SPECC1: variants seen among roughly 807,000 people sequenced by gnomAD.
SPECC1 encodes the protein sperm antigen with calponin homology and coiled-coil domains 1, also known as cytospin-B.
Under a neutral mutation model 104.1 loss-of-function variants are expected in SPECC1, and 62 were observed. The ratio of observed to expected loss-of-function variants is 0.60; its 90% CI spans 0.49 to 0.74. The LOEUF is 0.74. Ranked by LOEUF, SPECC1 falls within the 30% of genes least tolerant of loss-of-function variation. The pLI is 0.00. For synonymous variants in SPECC1, 513 were observed against 501.6 expected (o/e 1.02, Z -0.30); for missense variants, 1,306 against 1,310.5 (o/e 1.00, Z 0.05).
chr17:20,059,634 C>G (rs1335545231), intron 1 of SPECC1, among the ~76,000 whole-genome samples: 1 of 152,186 alleles, frequency 6.6e-6, no homozygotes, highest in East Asian at 1.9e-4. Flanking sequence ...AGACCCTTTT[C>G]CACATTGTAC....
chr17:20,016,592 C>T (rs958370764), intron 1 of SPECC1, among the ~76,000 whole-genome samples: 2 of 152,226 alleles, frequency 1.3e-5, no homozygotes, highest in Admixed American at 6.5e-5. Flanking sequence ...CGGCCCCAGG[C>T]AGTGAGGGGC....
At chr17:20,267,700 TC>T (rs1282793403) in intron 12 of SPECC1, among the ~76,000 whole-genome samples, 6 of 152,156 alleles carry the variant, frequency 3.9e-5, no homozygotes, top group African/African-American at 1.4e-4. Flanking sequence ...ACAGGGACTT[TC>T]TAGCACTAAA....
chr17:20,224,929 G>A lies in SPECC1; in HGVS notation c.1864-2484G>A, dbSNP rs192168720. Among the ~76,000 whole-genome samples the A allele has an allele frequency of 1.4e-3, 210 of 152,288 alleles. 1 individual carries two copies. The highest frequency in any genetic ancestry group is 2.8e-4 in the Non-Finnish European group (19 of 68,016). On this transcript the variant is annotated intron_variant, in intron 4 of 14. Transcript: ENST00000395527. ...GGGTCACACCTGAAGCCGGTACAGTGTGTGGCCCATGATGAGTACTGTGTG... is the reference window on the plus strand; with the variant it reads ...GGGTCACACCTGAAGCCGGTACAGTATGTGGCCCATGATGAGTACTGTGTG...
chr17:20,273,721 G>C (rs903824981), intron 12 of SPECC1, among the ~76,000 whole-genome samples: 5 of 152,168 alleles, frequency 3.3e-5, no homozygotes, highest in African/African-American at 1.2e-4. Context: ...GTGTCTTTGA[G>C]GGATTTTGCA....
intron 12 of SPECC1, among the ~76,000 whole-genome samples, chr17:20,283,898 T>C (rs556940707): frequency 2.7e-4 from 41 of 152,306 alleles, no homozygotes; most frequent in African/African-American, 9.9e-4. Context: ...CTCTTTCTTA[T>C]TGATTACAGG....
At chr17:20,072,037 C>A (rs939954996) in intron 1 of SPECC1, among the ~76,000 whole-genome samples, 2 of 152,218 alleles carry the variant, frequency 1.3e-5, no homozygotes, top group African/African-American at 4.8e-5. Context: ...CCAGGTCCCT[C>A]TCCACGGCCA....
chr17:20,150,879 C>T (rs2031946165), intron 3 of SPECC1, among the ~76,000 whole-genome samples: 1 of 151,834 alleles, frequency 6.6e-6, no homozygotes, highest in African/African-American at 2.4e-5. Flanking sequence ...ATATACATGT[C>T]AAAATTTATT....
intron 3 of SPECC1, among the ~76,000 whole-genome samples, chr17:20,161,941 C>T (rs1218988271): frequency 6.6e-6 from 1 of 151,692 alleles, no homozygotes; most frequent in South Asian, 2.1e-4. Context: ...ACTACAGGTG[C>T]GTGCCACCAT....
At chr17:20,191,726 C>T (rs1026477960) in intron 3 of SPECC1, among the ~76,000 whole-genome samples, 1 of 151,728 alleles carries the variant, frequency 6.6e-6, no homozygotes, top group African/African-American at 2.4e-5. Context: ...TCAGCTCCTA[C>T]TTATGAGAAA....
chr17:20,203,842 G>GC (rs2036590592), intron 3 of SPECC1, among the ~76,000 whole-genome samples: 1 of 152,200 alleles, frequency 6.6e-6, no homozygotes, highest in African/African-American at 2.4e-5. Flanking sequence ...TGAAAGGCCA[G>GC]CTATAGGCCA....
At chr17:20,092,963 A>G (rs1354924342) in intron 1 of SPECC1, among the ~76,000 whole-genome samples, 3 of 152,204 alleles carry the variant, frequency 2.0e-5, no homozygotes, top group African/African-American at 7.2e-5. Context: ...TTAGGTGTGT[A>G]GGTTTTGGAA....
chr17:20,135,177 G>C (rs1407234323), intron 3 of SPECC1, among the ~76,000 whole-genome samples: 1 of 152,128 alleles, frequency 6.6e-6, no homozygotes, highest in Non-Finnish European at 1.5e-5. Flanking sequence ...GTCTTTGTTT[G>C]CATATTGATT....
chr17:20,210,136 A>G (rs898791514), intron 4 of SPECC1, among the ~76,000 whole-genome samples: 2 of 152,198 alleles, frequency 1.3e-5, no homozygotes, highest in Non-Finnish European at 2.9e-5. Context: ...TTTGAGGGAA[A>G]TATGTGGCAA....
intron 1 of SPECC1, among the ~76,000 whole-genome samples, chr17:20,015,588 T>TTTTTTTTC (rs2044089980): frequency 1.4e-5 from 2 of 142,954 alleles, no homozygotes; most frequent in Non-Finnish European, 3.1e-5. Context: ...GTCTCTATTT[T>TTTTTTTTC]TTTTTTTTTT....
intron 12 of SPECC1, among the ~76,000 whole-genome samples, chr17:20,269,626 G>A (rs926053765): frequency 3.9e-5 from 6 of 152,068 alleles, no homozygotes; most frequent in Admixed American, 1.3e-4. Flanking sequence ...TGCCTGCTTC[G>A]GCCTCCCAAA....
chr17:20,074,924 CAG>C (rs1347267976), intron 1 of SPECC1, among the ~76,000 whole-genome samples: 1 of 151,734 alleles, frequency 6.6e-6, no homozygotes, highest in Non-Finnish European at 1.5e-5. Context: ...TTTTTTTAGA[CAG>C]AGCCTTGCTG....
At chr17:20,097,986 G>T (rs2047733070) in intron 2 of SPECC1, among the ~76,000 whole-genome samples, 1 of 152,160 alleles carries the variant, frequency 6.6e-6, no homozygotes, top group Non-Finnish European at 1.5e-5. Flanking sequence ...TCCCCTGAGG[G>T]ACAGCCCTGT....
intron 2 of SPECC1, among the ~76,000 whole-genome samples, chr17:20,103,932 G>A: frequency 6.6e-6 from 1 of 152,158 alleles, no homozygotes; most frequent in Non-Finnish European, 1.5e-5. Flanking sequence ...GGAGAAGGGG[G>A]ACGAGAAAGG....
At chr17:20,106,680 G>A (rs912006670) in intron 2 of SPECC1, among the ~76,000 whole-genome samples, 2 of 152,284 alleles carry the variant, frequency 1.3e-5, no homozygotes, top group East Asian at 3.9e-4. Context: ...AGTGAGATGT[G>A]ACTTTGCTCC....
Sources: allele counts gnomAD v4.1 joint callset (sites outside exome capture counted in the v4.1 genomes callset), GRCh38; gene constraint gnomAD v4.1.1; transcripts MANE v1.5; gene names NCBI Gene and HGNC (gene_info 2026-07-23, HGNC 2026-07-21).